Variants in EML1 observed in about 807,000 individuals in gnomAD.
The protein encoded by EML1 is EMAP like 1, also known as echinoderm microtubule-associated protein-like 1.
In EML1, 27 loss-of-function variants were observed where a neutral mutation model predicts 110.4. The ratio of observed to expected loss-of-function variants is 0.24; its 90% CI spans 0.18 to 0.34. The LOEUF is 0.34. Among genes scored for constraint, EML1 ranks in the 10% least tolerant of loss-of-function variants. EML1 has a pLI of 1.00. For missense variants in EML1, 741 were observed against 1,030.9 expected (o/e 0.72, Z 3.85); for synonymous variants, 344 against 385.8 (o/e 0.89, Z 1.27).
At position 99,750,121 on chromosome 14, in the gene EML1, G is replaced by A. The variant is rs531069858; in HGVS notation, c.28+12261G>A. 2.6e-5 allele frequency among the ~76,000 whole-genome samples: 4 copies of A among 152,362 alleles called. No homozygotes were observed. In the East Asian group the frequency reaches 5.8e-4, roughly 22 times the overall value. On this transcript the variant is annotated intron_variant, in intron 1 of 10. Transcript: ENST00000554479. ...ACCTGAGCCTGGAGCCAGGCGGGAG[G>A]TAAGGGAGTACCACCAGCCTGTCAC...
intron 1 of EML1, among the ~76,000 whole-genome samples, chr14:99,767,325 C>T (rs150592761): frequency 2.6e-5 from 4 of 152,318 alleles, no homozygotes; most frequent in African/African-American, 4.8e-5. Flanking sequence ...CGGCATTGGC[C>T]GGGCACGGTG....
rs1229484804 is a variant in EML1, at chr14:99,941,967, GTACTGTTATA to G, written c.*1858_*1867del. 1 of 152,130 alleles carries G rather than the reference GTACTGTTATA, an allele frequency of 6.6e-6. No homozygotes were observed. The highest frequency in any genetic ancestry group is 1.5e-5 in the Non-Finnish European group (1 of 68,028). 9.4% of individuals were successfully genotyped at this position (152,130 alleles called of 1,614,324 possible). A position where few individuals can be genotyped will look rare whatever the true frequency, so the allele number is the denominator to read the frequency against. On this transcript the variant is annotated 3_prime_UTR_variant, in exon 22 of 22. Coordinates refer to ENST00000262233, the MANE Select transcript of EML1 (RefSeq NM_004434.3). ...CACACATCTACTATTTTAGATAAAT[GTACTGTTATA>G]TATATATGTAAACTACTATTGCTCT...
intron 1 of EML1, among the ~76,000 whole-genome samples, chr14:99,739,361 G>A (rs2057014618): frequency 6.6e-6 from 1 of 152,194 alleles, no homozygotes; most frequent in African/African-American, 2.4e-5. Context: ...GGTTTTAGCA[G>A]TTTGTAAAGC....
rs534427339 is a variant in EML1 at position 99,878,400 on chromosome 14, C to T, written c.384-85C>T. ...TTTGAATATCCATGTGGAAGTATGACGTTCTATGTATATATTTGTATGCTT... is the reference window on the plus strand; with the variant it reads ...TTTGAATATCCATGTGGAAGTATGATGTTCTATGTATATATTTGTATGCTT... On this transcript the variant is annotated intron_variant, in intron 3 of 21. Transcript: ENST00000262233. 2.7e-5 allele frequency: 41 copies of T among 1,495,488 alleles called. No homozygotes were observed. The South Asian group carries it at 3.6e-4, about 13-fold the overall frequency. The allele number at this position is 1,495,488 out of a possible 1,614,324, so 92.6% of individuals were successfully genotyped here.
chr14:99,901,190 T>G, intron 9 of EML1, 151 bp downstream of exon 9: 5 of 661,664 alleles, frequency 7.6e-6, no homozygotes, highest in Non-Finnish European at 1.3e-5. Flanking sequence ...CCAGAACCCC[T>G]CAGTCAGAGG....
intron 1 of EML1, among the ~76,000 whole-genome samples, chr14:99,776,615 G>A (rs979229670): frequency 7.9e-5 from 12 of 152,236 alleles, no homozygotes; most frequent in Middle Eastern, 3.4e-3. Flanking sequence ...ACTACAGGAC[G>A]TCAGTAAAAG....
intron 2 of EML1, among the ~76,000 whole-genome samples, chr14:99,859,202 G>C (rs2058958483): frequency 6.6e-6 from 1 of 152,198 alleles, no homozygotes; most frequent in Non-Finnish European, 1.5e-5. Flanking sequence ...TTGGACCTGA[G>C]ATTTTTAATA....
rs151332730 is a variant in EML1 at position 99,902,840 on chromosome 14, C to G, written c.1008+1801C>G. Among the ~76,000 whole-genome samples the G allele has an allele frequency of 6.0e-3, 915 of 152,290 alleles. 31 individuals are homozygous for G. The highest frequency in any genetic ancestry group is 0.056 in the East Asian group (288 of 5,178). On this transcript the variant is annotated intron_variant, in intron 9 of 21. Coordinates refer to ENST00000262233, the MANE Select transcript of EML1 (RefSeq NM_004434.3). ...GTGACATTCTTTACTTACCACAGAT[C>G]AGGAACCCTGTACAGGGACTGTGGA... is the stretch of plus-strand genomic sequence containing the variant.
At chr14:99,870,785 G>A (rs1012637976) in intron 3 of EML1, among the ~76,000 whole-genome samples, 36 of 152,118 alleles carry the variant, frequency 2.4e-4, no homozygotes, top group African/African-American at 8.7e-4. Flanking sequence ...GAGGCCTACT[G>A]CTCGGAAGAA....
intron 1 of EML1, among the ~76,000 whole-genome samples, chr14:99,739,336 C>G (rs901810769): frequency 6.6e-6 from 1 of 152,184 alleles, no homozygotes; most frequent in African/African-American, 2.4e-5. Context: ...CCCTCTCCAC[C>G]AGGGACATGG....
chr14:99,914,455 G>T (rs1411635848), intron 14 of EML1, 111 bp from the exon 15 acceptor site: 1 of 1,528,890 alleles, frequency 6.5e-7, no homozygotes, highest in African/African-American at 1.4e-5. Flanking sequence ...GAGAGAAACT[G>T]TTGAGAGCAG....
At chr14:99,786,220 A>T (rs1202101745) in intron 1 of EML1, among the ~76,000 whole-genome samples, 1 of 152,146 alleles carries the variant, frequency 6.6e-6, no homozygotes, top group Admixed American at 6.5e-5. Flanking sequence ...GGATAAAAGG[A>T]TCTGGTTGGG....
At chr14:99,916,460 A>G (rs1401924092) in intron 15 of EML1, among the ~76,000 whole-genome samples, 1 of 152,040 alleles carries the variant, frequency 6.6e-6, no homozygotes, top group Non-Finnish European at 1.5e-5. Context: ...AGGGCCTCCT[A>G]TTTTCATTCC....
chr14:99,843,404 G>GT (rs996497191), intron 1 of EML1, among the ~76,000 whole-genome samples: 17 of 148,076 alleles, frequency 1.1e-4, no homozygotes, highest in African/African-American at 3.8e-4. Context: ...ACTTGGATTT[G>GT]TTTTGGTAAT....
chr14:99,876,853 C>T (rs2059300951), intron 3 of EML1, among the ~76,000 whole-genome samples: 1 of 152,148 alleles, frequency 6.6e-6, no homozygotes, highest in Non-Finnish European at 1.5e-5. Context: ...TGTGATACTT[C>T]CATTTATTTC....
intron 1 of EML1, among the ~76,000 whole-genome samples, chr14:99,748,455 T>G (rs1215294654): frequency 6.6e-6 from 1 of 151,988 alleles, no homozygotes; most frequent in African/African-American, 2.4e-5. Flanking sequence ...GTGACACCTT[T>G]GTTGAGATGT....
At position 99,858,250 on chromosome 14, in the gene EML1, T is replaced by A. The variant is rs139477635; in HGVS notation, c.250+7215T>A. 3.5e-4 allele frequency among the ~76,000 whole-genome samples: 53 copies of A among 151,590 alleles called. 3 individuals carry two copies. In the East Asian group the frequency reaches 0.01, roughly 29 times the overall value. ...CCCAGGCTGGAGTACAATGGTGCGA[T>A]CTCAGCTCACCACAACCTCTGCCTC... On this transcript the variant is annotated intron_variant, in intron 2 of 21. Transcript: ENST00000262233.
intron 1 of EML1, among the ~76,000 whole-genome samples, chr14:99,741,924 G>A (rs1308199508): frequency 1.3e-5 from 2 of 152,080 alleles, no homozygotes; most frequent in South Asian, 2.1e-4. Context: ...TCGTGCCAAC[G>A]TGGCCCCCTG....
intron 1 of EML1, among the ~76,000 whole-genome samples, chr14:99,759,193 G>A (rs2057288402): frequency 6.6e-6 from 1 of 152,216 alleles, no homozygotes; most frequent in South Asian, 2.1e-4. Context: ...AGGGGGCTCT[G>A]CAGGTGTCTG....
Sources: allele counts gnomAD v4.1 joint callset (sites outside exome capture counted in the v4.1 genomes callset), GRCh38; gene constraint gnomAD v4.1.1; transcripts MANE v1.5; gene names NCBI Gene and HGNC (gene_info 2026-07-23, HGNC 2026-07-21).